MAGI2: variants seen among roughly 807,000 people sequenced by gnomAD.
MAGI2 encodes the protein membrane-associated guanylate kinase, WW and PDZ domain-containing protein 2.
MAGI2 carries 35 observed loss-of-function variants against 133.3 expected under a neutral mutation model. The ratio of observed to expected loss-of-function variants is 0.26; its 90% CI spans 0.20 to 0.35. The LOEUF is 0.35. Among genes scored for constraint, MAGI2 ranks in the 10% least tolerant of loss-of-function variants. The probability of loss-of-function intolerance (pLI) is 1.00; values close to 1 mark genes in which losing one functional copy is unlikely to be tolerated. For synonymous variants in MAGI2, 729 were observed against 710.6 expected, an observed-to-expected ratio of 1.03 and a Z score of -0.41; for missense variants, 1,636 against 1,863.4, an observed-to-expected ratio of 0.88 and a Z score of 2.25.
At chr7:78,175,786 A>G (rs888196452) in intron 14 of MAGI2, among the ~76,000 whole-genome samples, 42 of 152,240 alleles carry the variant, frequency 2.8e-4, no homozygotes, top group African/African-American at 9.9e-4. Flanking sequence ...GGATAATGAC[A>G]CGTTTTTCAA....
At chr7:79,171,770 A>ATATATTTTTTTTT in intron 1 of MAGI2, among the ~76,000 whole-genome samples, 4 of 31,208 alleles carry the variant, frequency 1.3e-4, no homozygotes, top group Admixed American at 4.0e-4. Context: ...ATATATATAT[A>ATATATTTTTTTTT]TTTTTTTTTT....
intron 21 of MAGI2, among the ~76,000 whole-genome samples, chr7:78,031,062 A>G (rs2471576): frequency 0.18 from 27,829 of 152,232 alleles, 3,692 homozygotes; most frequent in East Asian, 0.56. Flanking sequence ...TATACACTCA[A>G]CGTGAGTGAA....
At chr7:79,249,757 T>A (rs1652738671) in intron 1 of MAGI2, among the ~76,000 whole-genome samples, 1 of 152,116 alleles carries the variant, frequency 6.6e-6, no homozygotes, top group Non-Finnish European at 1.5e-5. Context: ...CAAACTATCC[T>A]GAAACAGATA....
chr7:79,067,546 G>A (rs143069173), intron 1 of MAGI2, among the ~76,000 whole-genome samples: 2,837 of 152,248 alleles, frequency 0.019, 95 homozygotes, highest in African/African-American at 0.065. Context: ...CATGTCAACT[G>A]CAAACAGAGA....
At chr7:78,557,610 G>A (rs1284386682) in intron 3 of MAGI2, among the ~76,000 whole-genome samples, 1 of 152,110 alleles carries the variant, frequency 6.6e-6, no homozygotes, top group African/African-American at 2.4e-5. Context: ...TATGAAACAG[G>A]ATGCTGACTT....
intron 1 of MAGI2, among the ~76,000 whole-genome samples, chr7:79,250,863 C>T (rs1278700116): frequency 6.6e-6 from 1 of 152,052 alleles, no homozygotes; most frequent in Admixed American, 6.6e-5. Flanking sequence ...CTATAGTAAC[C>T]AAGACAGTGT....
At chr7:78,999,028 C>T (rs1246534032) in intron 2 of MAGI2, among the ~76,000 whole-genome samples, 1 of 152,054 alleles carries the variant, frequency 6.6e-6, no homozygotes, top group Admixed American at 6.6e-5. Flanking sequence ...AATATAGCCT[C>T]AGAACTCTCT....
intron 1 of MAGI2, among the ~76,000 whole-genome samples, chr7:79,076,571 T>C (rs2129541579): frequency 6.6e-6 from 1 of 152,332 alleles, no homozygotes; most frequent in South Asian, 2.1e-4. Context: ...GAAAACATTG[T>C]ATCTCATGAG....
At chr7:78,488,489 T>C (rs1234174866) in intron 6 of MAGI2, among the ~76,000 whole-genome samples, 4 of 151,980 alleles carry the variant, frequency 2.6e-5, no homozygotes, top group African/African-American at 9.7e-5. Context: ...CATAAGTAAA[T>C]CATAACTCCC....
In MAGI2 at chr7:78,595,169, T is replaced by G. The variant is rs570186301; in HGVS notation, c.538+31951A>C. ...CCTCAGTTTGGTCCAGAACACTATGTTTTGCTATTTCACTTGCTAGAGACT... is the reference window on the plus strand; with the variant it reads ...CCTCAGTTTGGTCCAGAACACTATGGTTTGCTATTTCACTTGCTAGAGACT... On this transcript the variant is annotated intron_variant, in intron 3 of 21. Coordinates refer to ENST00000354212, the MANE Select transcript of MAGI2 (RefSeq NM_012301.4). 5.2e-4 allele frequency among the ~76,000 whole-genome samples: 79 copies of G among 152,248 alleles called. 1 individual carries two copies. Among genetic ancestry groups the G allele is most frequent in the African/African-American group, 1.6e-3 (67 of 41,556 alleles).
intron 1 of MAGI2, among the ~76,000 whole-genome samples, chr7:79,182,245 T>C (rs540907831): frequency 3.6e-4 from 55 of 152,068 alleles, no homozygotes; most frequent in African/African-American, 1.3e-3. Context: ...ACTGGGCAAT[T>C]TACAAAAGAA....
At chr7:78,237,888 C>T (rs1790720279) in intron 10 of MAGI2, among the ~76,000 whole-genome samples, 1 of 152,026 alleles carries the variant, frequency 6.6e-6, no homozygotes, top group Non-Finnish European at 1.5e-5. Flanking sequence ...GACTTCTTGC[C>T]AATTAGTCAA....
intron 1 of MAGI2, among the ~76,000 whole-genome samples, chr7:79,356,474 A>G (rs1842024340): frequency 6.6e-6 from 1 of 152,202 alleles, no homozygotes; most frequent in Non-Finnish European, 1.5e-5. Flanking sequence ...AGAAATGAAA[A>G]GCAAAAAAAG....
At chr7:78,723,628 T>C (rs948247481) in intron 2 of MAGI2, among the ~76,000 whole-genome samples, 2 of 152,046 alleles carry the variant, frequency 1.3e-5, no homozygotes, top group African/African-American at 4.8e-5. Flanking sequence ...CAAGAGGGTG[T>C]AGAGTGAGGA....
rs368094018 is a variant in MAGI2, at chr7:79,136,068, GGAAAGAAAGAAAGAAA to G, written c.302-128878_302-128863del. Among the ~76,000 whole-genome samples the G allele has an allele frequency of 8.9e-3, 841 of 94,610 alleles. 4 individuals are homozygous for G. The highest frequency in any genetic ancestry group is 0.012 in the African/African-American group (242 of 20,916). The allele number at this position is 94,610 out of a possible 152,430, so 62.1% of individuals were successfully genotyped here. ...AAGAAGGAAAGAAAGAAAGAAAGAA[GGAAAGAAAGAAAGAAA>G]GAAAGAAAGAAAGAAAGAAAGAAAG... is the stretch of plus-strand genomic sequence containing the variant. On this transcript the variant is annotated intron_variant, in intron 1 of 21. Coordinates refer to ENST00000354212, the MANE Select transcript of MAGI2 (RefSeq NM_012301.4).
intron 2 of MAGI2, among the ~76,000 whole-genome samples, chr7:78,691,273 T>C (rs1294727123): frequency 1.3e-5 from 2 of 152,220 alleles, no homozygotes; most frequent in African/African-American, 4.8e-5. Context: ...TGTTATTGTC[T>C]CTTGACATCT....
chr7:79,342,481 T>C (rs10263112), intron 1 of MAGI2, among the ~76,000 whole-genome samples: 19,420 of 152,194 alleles, frequency 0.13, 1,362 homozygotes, highest in Middle Eastern at 0.2. Context: ...AATGTCAAGA[T>C]AGTTTTTCTC....
At chr7:78,175,286 T>C (rs1381896734) in intron 14 of MAGI2, among the ~76,000 whole-genome samples, 1 of 152,114 alleles carries the variant, frequency 6.6e-6, no homozygotes, top group African/African-American at 2.4e-5. Flanking sequence ...ACAGCCTGTG[T>C]TTTGTTCCAG....
At chr7:78,405,658 C>A (rs1025995884) in intron 6 of MAGI2, among the ~76,000 whole-genome samples, 1 of 151,936 alleles carries the variant, frequency 6.6e-6, no homozygotes, top group African/African-American at 2.4e-5. Context: ...CTTTTTTAAA[C>A]CAAAAATATT....
Sources: allele counts gnomAD v4.1 joint callset (sites outside exome capture counted in the v4.1 genomes callset), GRCh38; gene constraint gnomAD v4.1.1; transcripts MANE v1.5; gene names NCBI Gene and HGNC (gene_info 2026-07-23, HGNC 2026-07-21).